The following PRKN variants were observed in gnomAD, a reference collection of about 807,000 sequenced individuals.
PRKN encodes the protein parkin RBR E3 ubiquitin protein ligase.
A neutral mutation model predicts 59.5 loss-of-function variants in PRKN; 56 were observed. The observed-to-expected ratio is 0.94, with a 90% CI of 0.76 to 1.18. The LOEUF (loss-of-function observed/expected upper bound fraction) is 1.18. PRKN is among the 50% of genes most tolerant of loss of function. The pLI is 0.00. For missense variants in PRKN, 657 were observed against 596.4 expected (o/e 1.10, Z -1.06); for synonymous variants, 250 against 222.1 (o/e 1.13, Z -1.12).
At chr6:162,176,329 A>G (rs1172055127) in intron 4 of PRKN, among the ~76,000 whole-genome samples, 1 of 152,198 alleles carries the variant, frequency 6.6e-6, no homozygotes, top group East Asian at 1.9e-4. Context: ...AGGCTAGGCT[A>G]GTGAAAGAAC....
chr6:162,205,032 T>G (rs1276749956), intron 3 of PRKN, among the ~76,000 whole-genome samples: 1 of 151,998 alleles, frequency 6.6e-6, no homozygotes, highest in South Asian at 2.1e-4. Flanking sequence ...CCAGCTAATT[T>G]TGGTATTTTT....
chr6:162,626,984 A>G (rs1782923240), intron 1 of PRKN, among the ~76,000 whole-genome samples: 1 of 152,208 alleles, frequency 6.6e-6, no homozygotes, highest in Non-Finnish European at 1.5e-5. Context: ...GCAGATAATT[A>G]CCAATGTTTT....
chr6:161,794,064 C>T (rs931889907), intron 6 of PRKN, among the ~76,000 whole-genome samples: 9 of 152,082 alleles, frequency 5.9e-5, no homozygotes, highest in Admixed American at 3.9e-4. Context: ...TCCTGGGCAA[C>T]GACTTGATTT....
At chr6:162,228,747 A>G (rs1778294488) in intron 3 of PRKN, among the ~76,000 whole-genome samples, 1 of 152,190 alleles carries the variant, frequency 6.6e-6, no homozygotes, top group Non-Finnish European at 1.5e-5. Flanking sequence ...GCAGAGTCCA[A>G]TATTGCACTT....
chr6:162,146,494 C>T (rs1782033901), intron 4 of PRKN, among the ~76,000 whole-genome samples: 1 of 150,284 alleles, frequency 6.7e-6, no homozygotes, highest in African/African-American at 2.4e-5. Flanking sequence ...TGTATATATA[C>T]ACATTATATA....
chr6:161,953,556 T>C (rs923258377), intron 6 of PRKN, among the ~76,000 whole-genome samples: 1 of 152,188 alleles, frequency 6.6e-6, no homozygotes, highest in Non-Finnish European at 1.5e-5. Context: ...GGGGAGCAGC[T>C]AGCCAGCAAA....
chr6:161,843,598 C>A (rs534424253), intron 6 of PRKN, among the ~76,000 whole-genome samples: 1 of 152,214 alleles, frequency 6.6e-6, no homozygotes, highest in East Asian at 1.9e-4. Context: ...CCAATCTGGC[C>A]AACATGGTGA....
At chr6:162,377,758 A>T (rs537068334) in intron 2 of PRKN, among the ~76,000 whole-genome samples, 1 of 152,292 alleles carries the variant, frequency 6.6e-6, no homozygotes, top group East Asian at 1.9e-4. Context: ...TCGGGAGAGT[A>T]AGAGGACAGC....
At chr6:162,465,498 G>C (rs1015571024) in intron 1 of PRKN, among the ~76,000 whole-genome samples, 22 of 152,130 alleles carry the variant, frequency 1.4e-4, no homozygotes, top group Admixed American at 1.3e-4. Context: ...GTTGATCAAA[G>C]AAATGAAATT....
At position 162,249,967 on chromosome 6, in the gene PRKN, G is replaced by A. The variant is rs559134146; in HGVS notation, c.412+12558C>T. On this transcript the variant is annotated intron_variant, in intron 3 of 11. Transcript: ENST00000366898. ...TTCAGACCATCCTGGCCAACAGGTC[G>A]AAATCCTGTCTCTACTAAAAATACA... Among the ~76,000 whole-genome samples the A allele has an allele frequency of 1.7e-4, 26 of 152,126 alleles. No individual in the cohort carries two copies. The East Asian group carries it at 1.7e-3, about 10-fold the overall frequency.
intron 7 of PRKN, among the ~76,000 whole-genome samples, chr6:161,606,923 G>A (rs1433714382): frequency 6.6e-6 from 1 of 152,214 alleles, no homozygotes; most frequent in East Asian, 1.9e-4. Flanking sequence ...GCCCTACAGA[G>A]TGGATCTGGG....
intron 2 of PRKN, among the ~76,000 whole-genome samples, chr6:162,297,973 A>C (rs1781757524): frequency 6.6e-6 from 1 of 152,148 alleles, no homozygotes. Flanking sequence ...TGTGGGTGCT[A>C]GAAGTGGATT....
chr6:162,619,432 T>C lies in PRKN; in HGVS notation c.7+108230A>G, dbSNP rs554138215. 7.9e-5 allele frequency among the ~76,000 whole-genome samples: 12 copies of C among 152,176 alleles called. No homozygotes were observed. The South Asian group carries it at 2.3e-3, about 29-fold the overall frequency. On this transcript the variant is annotated intron_variant, in intron 1 of 11. Coordinates refer to ENST00000366898, the MANE Select transcript of PRKN (RefSeq NM_004562.3). ...AAGTGCTGGAAAACTATGCGTTTAC[T>C]ACTTTAGCTAGTGTACAATAGCATG...
chr6:162,315,216 C>T (rs144302534), intron 2 of PRKN, among the ~76,000 whole-genome samples: 19 of 152,182 alleles, frequency 1.2e-4, no homozygotes, highest in East Asian at 5.8e-4. Context: ...CTCTAACGAC[C>T]GACTTCCTAT....
rs112386206 is a variant in PRKN at position 162,444,490 on chromosome 6, GA to G, written c.8-1018del. The stretch of plus-strand genomic sequence containing the variant: ...TACTCTTTTAAACTAAATGCTCCCA[GA>G]AAAAAAAAAATCACAAAAAACTGCT... On this transcript the variant is annotated intron_variant, in intron 1 of 11. Coordinates refer to ENST00000366898, the MANE Select transcript of PRKN (RefSeq NM_004562.3). Among the ~76,000 whole-genome samples the G allele has an allele frequency of 6.1e-4, 89 of 146,226 alleles. 1 individual carries two copies. The highest frequency in any genetic ancestry group is 9.8e-4 in the Non-Finnish European group (65 of 66,206).
chr6:161,406,445 A>G (rs1401047572), intron 9 of PRKN, among the ~76,000 whole-genome samples: 2 of 152,164 alleles, frequency 1.3e-5, no homozygotes, highest in Non-Finnish European at 2.9e-5. Context: ...TCTGCTCAGT[A>G]TATAGAAACT....
chr6:161,916,901 C>T (rs2128238150), intron 6 of PRKN, among the ~76,000 whole-genome samples: 1 of 152,248 alleles, frequency 6.6e-6, no homozygotes, highest in South Asian at 2.1e-4. Context: ...CGGGTTCACG[C>T]CATTCTCCTC....
In PRKN at chr6:161,401,885, G is replaced by GAGAGATGGT. The variant is rs1787066952; in HGVS notation, c.1084-15009_1084-15008insACCATCTCT. Among the ~76,000 whole-genome samples the GAGAGATGGT allele has an allele frequency of 1.3e-5, 2 of 152,150 alleles. No homozygotes were observed. Among genetic ancestry groups the GAGAGATGGT allele is most frequent in the Non-Finnish European group, 2.9e-5 (2 of 68,040 alleles). On this transcript the variant is annotated intron_variant, in intron 9 of 11. Coordinates refer to ENST00000366898, the MANE Select transcript of PRKN (RefSeq NM_004562.3). This position sits in a 1 kb window ranked among gnomAD's most constrained non-coding sequence, Gnocchi z 4.4. Reference sequence around the variant, plus strand: ...GGAGAGAGAAGATGAGAGATCCAGAGGTCTGAGATGTTTGTTCACACACCA... The same window carrying GAGAGATGGT: ...GGAGAGAGAAGATGAGAGATCCAGAGAGAGATGGTGTCTGAGATGTTTGTTCACACACCA...
chr6:162,263,278 A>T lies in PRKN; in HGVS notation c.172-513T>A, dbSNP rs188912136. 3 of 201,262 alleles carry T rather than the reference A, an allele frequency of 1.5e-5. No homozygotes were observed. The East Asian group carries it at 3.7e-4, about 25-fold the overall frequency. The allele number at this position is 201,262 out of a possible 1,614,324, so 12.5% of individuals were successfully genotyped here. A position where few individuals can be genotyped will look rare whatever the true frequency, so the allele number is the denominator to read the frequency against. On this transcript the variant is annotated intron_variant, in intron 2 of 11. Transcript: ENST00000366898. Reference sequence around the variant, plus strand: ...TATTCTTAAATAGTAAAACTGATTGACATCAGAATTGATATGTCATTCATC... The same window carrying T: ...TATTCTTAAATAGTAAAACTGATTGTCATCAGAATTGATATGTCATTCATC...
Sources: gnomAD v4.1 joint callset for allele counts (sites outside exome capture counted in the v4.1 genomes callset) on GRCh38, gnomAD v4.1.1 for gene constraint, Gnocchi (gnomAD v3.1) non-coding constraint, MANE v1.5 for transcripts, NCBI Gene and HGNC (gene_info 2026-07-23, HGNC 2026-07-21) for gene names.